The following SLC24A3 variants were observed in gnomAD, a reference collection of about 807,000 sequenced individuals.
The protein encoded by SLC24A3 is sodium/potassium/calcium exchanger 3.
SLC24A3 carries 28 observed loss-of-function variants against 75.8 expected under a neutral mutation model. That is an observed-to-expected ratio of 0.37 (90% CI 0.27 to 0.51). The LOEUF is 0.51. Ranked by LOEUF, SLC24A3 falls within the 20% of genes least tolerant of loss-of-function variation. The pLI is 0.94. For missense variants in SLC24A3, 663 were observed against 847.8 expected, an observed-to-expected ratio of 0.78 and a Z score of 2.71; for synonymous variants, 372 against 334.1, an observed-to-expected ratio of 1.11 and a Z score of -1.24.
chr20:19,229,854 G>C (rs564785705), intron 1 of SLC24A3, among the ~76,000 whole-genome samples: 6 of 152,056 alleles, frequency 3.9e-5, no homozygotes, highest in South Asian at 2.1e-4. Context: ...TGGGTCTGCT[G>C]TCTGCTGCCT....
At chr20:19,239,285 C>T (rs1303845193) in intron 1 of SLC24A3, among the ~76,000 whole-genome samples, 1 of 152,156 alleles carries the variant, frequency 6.6e-6, no homozygotes, top group Non-Finnish European at 1.5e-5. Flanking sequence ...GCCCCAGTAC[C>T]CTCAGATAAA....
At chr20:19,309,919 A>G (rs562426105) in intron 2 of SLC24A3, among the ~76,000 whole-genome samples, 1 of 152,122 alleles carries the variant, frequency 6.6e-6, no homozygotes, top group Non-Finnish European at 1.5e-5. Context: ...ACTCTGGGTC[A>G]TTGGGACAGG....
intron 6 of SLC24A3, among the ~76,000 whole-genome samples, chr20:19,616,117 C>T (rs2031732226): frequency 6.6e-6 from 1 of 152,208 alleles, no homozygotes; most frequent in Non-Finnish European, 1.5e-5. Context: ...TGCAGGCTCA[C>T]CAGAGTCCCA....
intron 2 of SLC24A3, among the ~76,000 whole-genome samples, chr20:19,291,071 C>G (rs1983930333): frequency 6.6e-6 from 1 of 152,202 alleles, no homozygotes; most frequent in Admixed American, 6.5e-5. Context: ...CCATCGGGTC[C>G]TCAGTTGCCT....
intron 3 of SLC24A3, among the ~76,000 whole-genome samples, chr20:19,552,677 A>C (rs1422834256): frequency 6.6e-6 from 1 of 152,128 alleles, no homozygotes; most frequent in Non-Finnish European, 1.5e-5. Flanking sequence ...TTTGAGGTTA[A>C]ACAATTCAAA....
At chr20:19,493,960 C>G (rs1276296714) in intron 2 of SLC24A3, among the ~76,000 whole-genome samples, 1 of 152,204 alleles carries the variant, frequency 6.6e-6, no homozygotes, top group African/African-American at 2.4e-5. Flanking sequence ...TATCTCTTGG[C>G]TCCAACTTCC....
chr20:19,479,992 CT>C (rs1388771494), intron 2 of SLC24A3, among the ~76,000 whole-genome samples: 1 of 152,192 alleles, frequency 6.6e-6, no homozygotes, highest in Non-Finnish European at 1.5e-5. Context: ...GTCCTTCCCT[CT>C]ATCAAAAGGG....
chr20:19,432,556 T>C (rs970936465), intron 2 of SLC24A3, among the ~76,000 whole-genome samples: 1 of 151,892 alleles, frequency 6.6e-6, no homozygotes, highest in Admixed American at 6.6e-5. Context: ...CCCAAGACAT[T>C]CATAAGTGGA....
rs145827324 is a variant in SLC24A3, at chr20:19,710,753, G to A, written c.1720-6775G>A. 2.6e-4 allele frequency among the ~76,000 whole-genome samples: 40 copies of A among 152,344 alleles called. 1 individual carries two copies. Among genetic ancestry groups the A allele is most frequent in the African/African-American group, 8.2e-4 (34 of 41,574 alleles). ...AAGAAAGTGTTTTACTGCCTTCAGG[G>A]AAAGTTACTGGGATGATGAAAATGT... On this transcript the variant is annotated intron_variant, in intron 15 of 16. Coordinates refer to ENST00000328041, the MANE Select transcript of SLC24A3 (RefSeq NM_020689.4).
At chr20:19,701,116 T>C (rs933074108) in intron 15 of SLC24A3, among the ~76,000 whole-genome samples, 2 of 152,200 alleles carry the variant, frequency 1.3e-5, no homozygotes, top group Non-Finnish European at 2.9e-5. Flanking sequence ...AGGGCTGACA[T>C]TGAGCCTTTC....
intron 3 of SLC24A3, among the ~76,000 whole-genome samples, chr20:19,562,455 G>A (rs781682683): frequency 2.0e-5 from 3 of 152,134 alleles, no homozygotes; most frequent in African/African-American, 4.8e-5. Flanking sequence ...TTTCAAGCTA[G>A]CCTACATCAG....
chr20:19,503,022 G>T (rs1988409948), intron 2 of SLC24A3, among the ~76,000 whole-genome samples: 1 of 136,886 alleles, frequency 7.3e-6, no homozygotes. Context: ...GTGAGACCTT[G>T]TCTCAGAAAA....
At chr20:19,433,732 A>G (rs1600479643) in intron 2 of SLC24A3, among the ~76,000 whole-genome samples, 1 of 152,338 alleles carries the variant, frequency 6.6e-6, no homozygotes. Flanking sequence ...ATAGCAAGCA[A>G]TTTCAAAAGG....
intron 2 of SLC24A3, among the ~76,000 whole-genome samples, chr20:19,453,614 A>G (rs1437391675): frequency 6.6e-6 from 1 of 152,226 alleles, no homozygotes; most frequent in African/African-American, 2.4e-5. Flanking sequence ...TGGAGCCTGG[A>G]GACAGATGGT....
intron 6 of SLC24A3, among the ~76,000 whole-genome samples, chr20:19,646,491 T>C (rs1019831223): frequency 6.6e-6 from 1 of 152,224 alleles, no homozygotes; most frequent in African/African-American, 2.4e-5. Context: ...GATGGAGTAA[T>C]TACTATTAAA....
intron 5 of SLC24A3, 148 bp downstream of exon 5, chr20:19,585,203 C>A (rs1328947260): frequency 5.1e-6 from 4 of 782,768 alleles, no homozygotes; most frequent in Non-Finnish European, 6.1e-6. Flanking sequence ...AGCCTCCCAT[C>A]TGCCGTTGTT....
At chr20:19,558,630 T>C (rs1478105835) in intron 3 of SLC24A3, among the ~76,000 whole-genome samples, 1 of 152,148 alleles carries the variant, frequency 6.6e-6, no homozygotes, top group Non-Finnish European at 1.5e-5. Flanking sequence ...CCAGTTTAAG[T>C]TTGTCATCTC....
intron 1 of SLC24A3, among the ~76,000 whole-genome samples, chr20:19,251,070 A>G (rs942850238): frequency 1.3e-5 from 2 of 152,232 alleles, no homozygotes; most frequent in Admixed American, 6.5e-5. Context: ...GTACCATTAC[A>G]GACATCACTA....
chr20:19,563,600 G>A (rs1480236394), intron 3 of SLC24A3, among the ~76,000 whole-genome samples: 2 of 152,144 alleles, frequency 1.3e-5, no homozygotes, highest in East Asian at 1.9e-4. Flanking sequence ...GCCAGATTAC[G>A]AGCCTGCTGG....
Sources: allele counts gnomAD v4.1 joint callset (sites outside exome capture counted in the v4.1 genomes callset), GRCh38; gene constraint gnomAD v4.1.1; transcripts MANE v1.5; gene names NCBI Gene and HGNC (gene_info 2026-07-23, HGNC 2026-07-21).